SPATS1: variants seen among roughly 807,000 people sequenced by gnomAD.
The protein encoded by SPATS1 is spermatogenesis associated serine rich 1.
In SPATS1, 23 loss-of-function variants were observed where a neutral mutation model predicts 33.6. The ratio of observed to expected loss-of-function variants is 0.68; its 90% CI spans 0.49 to 0.97. SPATS1 has a LOEUF of 0.97. Ranked by LOEUF, SPATS1 falls within the 50% of genes least tolerant of loss-of-function variation. The pLI is 0.00. For missense variants in SPATS1, 327 were observed against 361.0 expected, an observed-to-expected ratio of 0.91 and a Z score of 0.76; for synonymous variants, 131 against 125.6, an observed-to-expected ratio of 1.04 and a Z score of -0.29.
intron 4 of SPATS1, 74 bp downstream of exon 4, chr6:44,360,644 C>G: frequency 6.4e-7 from 1 of 1,552,668 alleles, no homozygotes; most frequent in Non-Finnish European, 8.8e-7. Context: ...TGTTGGCCAC[C>G]CTCATCGAAG....
rs575869838 is a variant in SPATS1, at chr6:44,370,124, T to C, written c.758+11T>C. 6.2e-7 allele frequency: 1 copy of C among 1,602,582 alleles called. No individual in the cohort carries two copies. The highest frequency in any genetic ancestry group is 1.7e-5 in the Admixed American group (1 of 59,758). On this transcript the variant is annotated intron_variant, in intron 7 of 8. Transcript: ENST00000674044. ...TCCACAAATTCCCAAGTGAGTTCTC[T>C]TGTCATGTTTTGTGTTATCCCATCT...
chr6:44,353,287 C>T (rs1169666597), intron 3 of SPATS1, among the ~76,000 whole-genome samples: 2 of 152,126 alleles, frequency 1.3e-5, no homozygotes, highest in African/African-American at 4.8e-5. Flanking sequence ...AAATGATTAT[C>T]GTAAGAGTCA....
chr6:44,350,666 A>G (rs1788178426), intron 2 of SPATS1, among the ~76,000 whole-genome samples: 1 of 152,218 alleles, frequency 6.6e-6, no homozygotes, highest in African/African-American at 2.4e-5. Context: ...TGGAAAAGGT[A>G]TTATTCACTT....
intron 3 of SPATS1, among the ~76,000 whole-genome samples, chr6:44,353,170 G>A (rs1788344476): frequency 1.3e-5 from 2 of 152,198 alleles, no homozygotes; most frequent in Non-Finnish European, 2.9e-5. Flanking sequence ...CACACAGCAA[G>A]TTCTGTGTAA....
chr6:44,369,147 T>C (rs573793573), intron 6 of SPATS1, among the ~76,000 whole-genome samples: 49 of 152,234 alleles, frequency 3.2e-4, no homozygotes, highest in African/African-American at 8.2e-4. Context: ...CCGCCCGCCT[T>C]GGCCTCCCAA....
intron 7 of SPATS1, 101 bp from the exon 8 acceptor site, chr6:44,376,257 G>A (rs1288228536): frequency 1.5e-6 from 1 of 669,928 alleles, no homozygotes; most frequent in African/African-American, 2.4e-5. Context: ...CTCCTAAATT[G>A]GAGGTCTTTT....
chr6:44,355,619 C>A (rs564826477), intron 3 of SPATS1, among the ~76,000 whole-genome samples: 19 of 152,154 alleles, frequency 1.2e-4, no homozygotes, highest in Non-Finnish European at 2.2e-4. Flanking sequence ...CAGCTTTTGC[C>A]CATCTCTGGT....
intron 7 of SPATS1, 73 bp downstream of exon 7, chr6:44,370,186 G>A: frequency 7.2e-7 from 1 of 1,395,506 alleles, no homozygotes; most frequent in Non-Finnish European, 1.0e-6. Flanking sequence ...TTCCTTATGT[G>A]GAGGAGCAGG....
At chr6:44,362,393 C>G (rs1266922246) in intron 5 of SPATS1, among the ~76,000 whole-genome samples, 3 of 152,116 alleles carry the variant, frequency 2.0e-5, no homozygotes, top group Admixed American at 2.0e-4. Flanking sequence ...TAAACCTCAG[C>G]CTGAAGTGCA....
intron 6 of SPATS1, among the ~76,000 whole-genome samples, chr6:44,369,173 G>T (rs1434086801): frequency 6.6e-6 from 1 of 152,126 alleles, no homozygotes; most frequent in Non-Finnish European, 1.5e-5. Flanking sequence ...TGGGTAGTTG[G>T]TGTACTACAT....
At position 44,349,976 on chromosome 6, in the gene SPATS1, G is replaced by C. The variant is rs1788138042; in HGVS notation, c.140-2750G>C. On this transcript the variant is annotated intron_variant, in intron 2 of 8. Transcript: ENST00000674044. ...TGGGTGGTTCTTCCTTTGGTTACTG[G>C]GGACCCGTCTCCTCATCCTCACCTG... is the stretch of plus-strand genomic sequence containing the variant. Among the ~76,000 whole-genome samples, 3 of 152,078 alleles carry C rather than the reference G, an allele frequency of 2.0e-5. No homozygotes were observed. The East Asian group carries it at 5.8e-4, about 29-fold the overall frequency.
intron 4 of SPATS1, 113 bp from the exon 5 acceptor site, chr6:44,361,718 A>G (rs1583087365): frequency 7.1e-7 from 1 of 1,403,122 alleles, no homozygotes; most frequent in East Asian, 2.3e-5. Context: ...TATACACATT[A>G]ATTAAAGTTA....
chr6:44,366,769 A>G (rs184815497), intron 5 of SPATS1, among the ~76,000 whole-genome samples: 4 of 152,318 alleles, frequency 2.6e-5, no homozygotes, highest in Admixed American at 2.6e-4. Flanking sequence ...GTATTAGTCC[A>G]GTTCTGATTT....
At chr6:44,348,434 C>T (rs889530618) in intron 2 of SPATS1, among the ~76,000 whole-genome samples, 7 of 150,832 alleles carry the variant, frequency 4.6e-5, no homozygotes, top group Admixed American at 1.3e-4. Context: ...AAAATCTTTT[C>T]GGGGGGAGAG....
intron 2 of SPATS1, among the ~76,000 whole-genome samples, chr6:44,347,496 C>T (rs1354868754): frequency 6.6e-6 from 1 of 152,040 alleles, no homozygotes; most frequent in Non-Finnish European, 1.5e-5. Context: ...GAGGCATATT[C>T]AAATCTATGC....
intron 2 of SPATS1, chr6:44,343,550 T>C: frequency 2.0e-6 from 1 of 491,604 alleles, no homozygotes; most frequent in Non-Finnish European, 4.0e-6. Context: ...AAGGTGAGCC[T>C]GGGATTTGAC....
At chr6:44,358,484 C>A (rs974477304) in intron 3 of SPATS1, among the ~76,000 whole-genome samples, 4 of 152,154 alleles carry the variant, frequency 2.6e-5, no homozygotes, top group Non-Finnish European at 5.9e-5. Flanking sequence ...TCTTTACATA[C>A]TTATTGATTT....
At chr6:44,343,394 T>C in intron 2 of SPATS1, 160 bp downstream of exon 2, 1 of 830,912 alleles carries the variant, frequency 1.2e-6, no homozygotes, top group Non-Finnish European at 2.0e-6. Context: ...ATGTTTGTGC[T>C]AACCCAAGAT....
Position 44,379,599 on chromosome 6 carries a change from C to CAAAAAAAAAAAAA in SPATS1, c.*2552_*2564dup, listed in dbSNP as rs55976441. On this transcript the variant is annotated 3_prime_UTR_variant, in exon 9 of 9. Transcript: ENST00000674044. ...TGGGCAACAGAGTGAGACTCTGTCT[C>CAAAAAAAAAAAAA]AAAAAAAAAAAAAAAAAAAAAAAAA... 7.3e-5 allele frequency among the ~76,000 whole-genome samples: 4 copies of CAAAAAAAAAAAAA among 54,742 alleles called. No individual in the cohort carries two copies. The highest frequency in any genetic ancestry group is 2.3e-4 in the African/African-American group (3 of 13,146). The allele number at this position is 54,742 out of a possible 152,430, so 35.9% of individuals were successfully genotyped here.
Sources: allele counts gnomAD v4.1 joint callset (sites outside exome capture counted in the v4.1 genomes callset), GRCh38; gene constraint gnomAD v4.1.1; transcripts MANE v1.5; gene names NCBI Gene and HGNC (gene_info 2026-07-23, HGNC 2026-07-21).